ETV6: variants seen among roughly 807,000 people sequenced by gnomAD.
ETV6 encodes the protein ETS variant transcription factor 6.
A neutral mutation model predicts 51.1 loss-of-function variants in ETV6; 16 were observed. The ratio of observed to expected loss-of-function variants is 0.31; its 90% CI spans 0.21 to 0.48. ETV6 has a LOEUF of 0.48. ETV6 is among the 20% of genes least tolerant of loss of function. The pLI is 0.99. For missense variants in ETV6, 458 were observed against 594.8 expected (o/e 0.77, Z 2.39); for synonymous variants, 240 against 224.1 (o/e 1.07, Z -0.64).
At chr12:11,790,161 T>A (rs1945560580) in intron 2 of ETV6, among the ~76,000 whole-genome samples, 1 of 152,090 alleles carries the variant, frequency 6.6e-6, no homozygotes, top group Non-Finnish European at 1.5e-5. Context: ...GTTCGACTTG[T>A]TCTTCATTAT....
At chr12:11,747,993 A>G (rs551471420) in intron 1 of ETV6, among the ~76,000 whole-genome samples, 2 of 152,340 alleles carry the variant, frequency 1.3e-5, no homozygotes, top group South Asian at 4.1e-4. Context: ...CGACGGTACA[A>G]GCATCAGCTT....
chr12:11,694,455 A>C (rs1053634524), intron 1 of ETV6, among the ~76,000 whole-genome samples: 2 of 152,214 alleles, frequency 1.3e-5, no homozygotes, highest in Non-Finnish European at 2.9e-5. Context: ...TCCAATGGCC[A>C]TGTTTAAACC....
intron 7 of ETV6, among the ~76,000 whole-genome samples, chr12:11,889,486 T>G (rs1370024685): frequency 6.6e-6 from 1 of 152,172 alleles, no homozygotes; most frequent in African/African-American, 2.4e-5. Context: ...ACAAGATGTT[T>G]GAGTGTTGAA....
intron 2 of ETV6, among the ~76,000 whole-genome samples, chr12:11,786,449 CAA>C (rs1945487250): frequency 1.3e-5 from 2 of 151,524 alleles, no homozygotes; most frequent in African/African-American, 4.8e-5. Context: ...AAAATAAAAA[CAA>C]ATAATTTGTA....
intron 2 of ETV6, among the ~76,000 whole-genome samples, chr12:11,816,950 T>C (rs1303880249): frequency 6.6e-6 from 1 of 152,224 alleles, no homozygotes; most frequent in Non-Finnish European, 1.5e-5. Context: ...AAGCCAGGGA[T>C]AGCACATGCC....
rs190147684 is a variant in ETV6, at chr12:11,694,558, C to G, written c.33+44398C>G. On this transcript the variant is annotated intron_variant, in intron 1 of 7. Coordinates refer to ENST00000396373, the MANE Select transcript of ETV6 (RefSeq NM_001987.5). ...GATGATCATATACAGACAGAATGGG[C>G]ACCACTCTGCCTAAACATGGCTCTC... Among the ~76,000 whole-genome samples, 14 of 152,332 alleles carry G rather than the reference C, an allele frequency of 9.2e-5. No homozygotes were observed. The East Asian group carries it at 2.7e-3, about 29-fold the overall frequency.
At chr12:11,794,176 CTT>C (rs770328136) in intron 2 of ETV6, among the ~76,000 whole-genome samples, 8 of 152,312 alleles carry the variant, frequency 5.3e-5, no homozygotes, top group Non-Finnish European at 1.0e-4. Flanking sequence ...CAGCCTCTCT[CTT>C]TCTCTCTCTC....
intron 4 of ETV6, among the ~76,000 whole-genome samples, chr12:11,866,854 A>C (rs944943850): frequency 2.0e-5 from 3 of 152,248 alleles, no homozygotes; most frequent in Admixed American, 1.3e-4. Context: ...AAGCTTTTAC[A>C]TGCCAATTTA....
intron 2 of ETV6, among the ~76,000 whole-genome samples, chr12:11,824,863 A>T (rs1946130465): frequency 6.6e-6 from 1 of 152,238 alleles, no homozygotes; most frequent in African/African-American, 2.4e-5. Flanking sequence ...TCAGAAAGCC[A>T]GCTGCCATTT....
In ETV6 at chr12:11,827,408, A is replaced by G. The variant is rs572907971; in HGVS notation, c.164-11732A>G. On this transcript the variant is annotated intron_variant, in intron 2 of 7. Coordinates refer to ENST00000396373, the MANE Select transcript of ETV6 (RefSeq NM_001987.5). ...GGTGCAGTGGAATTCTCCTTAAAAA[A>G]CAGCATGTTCTAGAAAAGCCATGCT... is the stretch of plus-strand genomic sequence containing the variant. 3.9e-5 allele frequency among the ~76,000 whole-genome samples: 6 copies of G among 152,254 alleles called. No homozygotes were observed. The South Asian group carries it at 1.2e-3, about 32-fold the overall frequency.
intron 1 of ETV6, among the ~76,000 whole-genome samples, chr12:11,703,346 A>C (rs141418966): frequency 1.3e-5 from 2 of 152,072 alleles, no homozygotes; most frequent in African/African-American, 4.8e-5. Flanking sequence ...CCTTTACAAC[A>C]ATGTGTATAA....
At chr12:11,709,792 T>C (rs1012162132) in intron 1 of ETV6, among the ~76,000 whole-genome samples, 2 of 152,252 alleles carry the variant, frequency 1.3e-5, no homozygotes, top group Non-Finnish European at 2.9e-5. Flanking sequence ...CCACAGCAGA[T>C]GGCCTTCAGA....
chr12:11,773,708 G>T (rs990542055), intron 2 of ETV6, among the ~76,000 whole-genome samples: 1 of 152,172 alleles, frequency 6.6e-6, no homozygotes, highest in African/African-American at 2.4e-5. Context: ...AGGCAGTTGA[G>T]GAAAACAGTG....
At chr12:11,667,505 C>T (rs1864216009) in intron 1 of ETV6, among the ~76,000 whole-genome samples, 2 of 150,330 alleles carry the variant, frequency 1.3e-5, no homozygotes, top group Non-Finnish European at 2.9e-5. Context: ...GTTCTAGCAA[C>T]CTGCTGAAGA....
chr12:11,692,592 G>A (rs941115124), intron 1 of ETV6, among the ~76,000 whole-genome samples: 1 of 152,070 alleles, frequency 6.6e-6, no homozygotes, highest in Non-Finnish European at 1.5e-5. Flanking sequence ...TATAAGATCA[G>A]TCTTTTTTTG....
At chr12:11,791,306 G>T (rs1391830541) in intron 2 of ETV6, among the ~76,000 whole-genome samples, 1 of 152,122 alleles carries the variant, frequency 6.6e-6, no homozygotes, top group Non-Finnish European at 1.5e-5. Flanking sequence ...TTACTTTAGA[G>T]GATTTGGGGG....
rs2724642 is a variant in ETV6 at position 11,742,212 on chromosome 12, C to T, written c.34-10238C>T. Among the ~76,000 whole-genome samples the T allele has an allele frequency of 8.0e-3, 1,217 of 152,338 alleles. 10 individuals are homozygous for T. The highest frequency in any genetic ancestry group is 0.024 in the Middle Eastern group (7 of 294). ...TCACTGTTGTCATGCACACACACTT[C>T]TGTATTCCATTCTCATTCATTTACT... is the stretch of plus-strand genomic sequence containing the variant. On this transcript the variant is annotated intron_variant, in intron 1 of 7. Coordinates refer to ENST00000396373, the MANE Select transcript of ETV6 (RefSeq NM_001987.5).
chr12:11,781,762 G>C (rs1239560554), intron 2 of ETV6, among the ~76,000 whole-genome samples: 1 of 152,008 alleles, frequency 6.6e-6, no homozygotes, highest in Admixed American at 6.6e-5. Flanking sequence ...ATTTAAGTTG[G>C]CTGAGGTAAT....
At chr12:11,753,022 T>C (rs1866067976) in intron 2 of ETV6, 1 of 153,208 alleles carries the variant, frequency 6.5e-6, no homozygotes, top group African/African-American at 2.4e-5. Context: ...GTCCTTTCTT[T>C]CCAGGGCCCT....
Sources: gnomAD v4.1 joint callset for allele counts (sites outside exome capture counted in the v4.1 genomes callset) on GRCh38, gnomAD v4.1.1 for gene constraint, MANE v1.5 for transcripts, NCBI Gene and HGNC (gene_info 2026-07-23, HGNC 2026-07-21) for gene names.